CUBN: variants seen among roughly 807,000 people sequenced by gnomAD.
CUBN encodes 460 kDa receptor.
In CUBN, 282 loss-of-function variants were observed where a neutral mutation model predicts 405.3. The ratio of observed to expected loss-of-function variants is 0.70; its 90% CI spans 0.63 to 0.77. The LOEUF (loss-of-function observed/expected upper bound fraction) is 0.77, where lower values mean the gene tolerates loss of function less well. Ranked by LOEUF, CUBN falls within the 30% of genes least tolerant of loss-of-function variation. The pLI is 0.00. For synonymous variants in CUBN, 1,684 were observed against 1,617.0 expected (o/e 1.04, Z -0.99); for missense variants, 4,514 against 4,475.2 (o/e 1.01, Z -0.25).
intron 28 of CUBN, among the ~76,000 whole-genome samples, chr10:17,008,692 TC>T (rs980309636): frequency 3.3e-5 from 5 of 152,034 alleles, no homozygotes; most frequent in African/African-American, 1.2e-4. Context: ...GTGGAGATCA[TC>T]CCTGACCTCC....
At chr10:17,069,359 T>A (rs1235491632) in intron 19 of CUBN, among the ~76,000 whole-genome samples, 2 of 152,220 alleles carry the variant, frequency 1.3e-5, no homozygotes, top group Non-Finnish European at 2.9e-5. Context: ...AAAAGTAGAA[T>A]TGCTGGATCA....
At chr10:16,961,559 G>A (rs969330049) in intron 31 of CUBN, among the ~76,000 whole-genome samples, 2 of 152,150 alleles carry the variant, frequency 1.3e-5, no homozygotes, top group African/African-American at 4.8e-5. Flanking sequence ...CTAAAGAACG[G>A]TAATGTGGGA....
chr10:17,040,762 GT>G (rs773819220), intron 27 of CUBN, among the ~76,000 whole-genome samples: 128 of 151,994 alleles, frequency 8.4e-4, no homozygotes, highest in Non-Finnish European at 1.4e-3. Context: ...AAAAATAGAG[GT>G]TATTACTCTC....
chr10:16,863,225 C>G lies in CUBN; in HGVS notation c.9454+6411G>C, dbSNP rs144035524. Reference sequence around the variant, plus strand: ...AAGATAACCTTGTCTTTAGGATCATCCCCCAAGGGAAGTCTAATCACCAGT... The same window carrying G: ...AAGATAACCTTGTCTTTAGGATCATGCCCCAAGGGAAGTCTAATCACCAGT... On this transcript the variant is annotated intron_variant, in intron 59 of 66. Transcript: ENST00000377833. 2.6e-3 allele frequency among the ~76,000 whole-genome samples: 400 copies of G among 152,314 alleles called. 2 individuals are homozygous for G. Among genetic ancestry groups the G allele is most frequent in the African/African-American group, 9.4e-3 (390 of 41,576 alleles).
chr10:17,050,784 T>G (rs974849842), intron 22 of CUBN, among the ~76,000 whole-genome samples: 6 of 152,068 alleles, frequency 3.9e-5, no homozygotes, highest in African/African-American at 1.4e-4. Context: ...GGATAAGTCT[T>G]AACAAGACCT....
At chr10:16,933,878 C>T (rs575852819) in intron 39 of CUBN, among the ~76,000 whole-genome samples, 7 of 152,084 alleles carry the variant, frequency 4.6e-5, no homozygotes, top group Non-Finnish European at 5.9e-5. Flanking sequence ...CTGCCTTGCA[C>T]GGTTGTGATG....
chr10:17,019,626 T>C (rs954295166), intron 28 of CUBN, among the ~76,000 whole-genome samples: 10 of 152,236 alleles, frequency 6.6e-5, no homozygotes, highest in Middle Eastern at 3.2e-3. Flanking sequence ...TCTTTCCACT[T>C]TGATGTCACT....
At chr10:17,030,641 G>A (rs924632034) in intron 27 of CUBN, among the ~76,000 whole-genome samples, 2 of 152,104 alleles carry the variant, frequency 1.3e-5, no homozygotes, top group Non-Finnish European at 2.9e-5. Context: ...ATTGTTGGTC[G>A]GGCGTGGTGG....
In CUBN at chr10:16,915,055, A is replaced by C; in HGVS notation, c.7328T>G (p.Leu2443Arg). The C allele has an allele frequency of 6.2e-7, 1 of 1,614,008 alleles. No homozygotes were observed. Among genetic ancestry groups the C allele is most frequent in the Non-Finnish European group, 8.5e-7 (1 of 1,179,942 alleles). ...DGSVTASGFR[L>R]RFESSMEECG... ...ACCTTCCATACTGGATTCAAATCGC[A>C]GTCTGAATCCTGAGGCAGTCACAGA... Residue 2443 changes from leucine to arginine, a missense_variant, in exon 47 of 67, where the codon CTG (leucine) becomes CGG (arginine). Leu to Arg is a moderately radical substitution (Grantham distance 102). This residue lies in a region of CUBN where 1,613 missense variants were observed against 1,542.8 expected (regional missense o/e 1.05). Coordinates refer to ENST00000377833, the MANE Select transcript of CUBN (RefSeq NM_001081.4).
At chr10:16,847,287 C>A (rs1342391806) in intron 60 of CUBN, among the ~76,000 whole-genome samples, 1 of 152,054 alleles carries the variant, frequency 6.6e-6, no homozygotes. Context: ...TTCATCTCTA[C>A]TAAAAATACA....
At chr10:17,015,073 T>C (rs1335898456) in intron 28 of CUBN, among the ~76,000 whole-genome samples, 3 of 152,238 alleles carry the variant, frequency 2.0e-5, no homozygotes, top group Non-Finnish European at 4.4e-5. Context: ...CTTTTGATTA[T>C]TGTACTCCTA....
At chr10:17,014,119 A>G (rs1168881590) in intron 28 of CUBN, among the ~76,000 whole-genome samples, 1 of 152,154 alleles carries the variant, frequency 6.6e-6, no homozygotes, top group Non-Finnish European at 1.5e-5. Flanking sequence ...TGCCATTTAC[A>G]TCATGAGTAG....
intron 60 of CUBN, among the ~76,000 whole-genome samples, chr10:16,846,110 G>C (rs768275603): frequency 3.9e-5 from 6 of 152,228 alleles, no homozygotes; most frequent in Non-Finnish European, 8.8e-5. Context: ...GCACAGTTTT[G>C]ATATGCACCA....
chr10:16,916,784 A>C (rs1440895368), intron 45 of CUBN, among the ~76,000 whole-genome samples: 1 of 151,522 alleles, frequency 6.6e-6, no homozygotes, highest in Non-Finnish European at 1.5e-5. Flanking sequence ...CTGAAGAGGC[A>C]TATTTGCTTT....
At chr10:16,957,713 A>G (rs1843106613) in intron 31 of CUBN, among the ~76,000 whole-genome samples, 1 of 152,216 alleles carries the variant, frequency 6.6e-6, no homozygotes, top group Non-Finnish European at 1.5e-5. Flanking sequence ...ATGATCCAAC[A>G]GTCTCACTCC....
At chr10:17,000,524 C>G (rs950200070) in intron 28 of CUBN, among the ~76,000 whole-genome samples, 1 of 152,192 alleles carries the variant, frequency 6.6e-6, no homozygotes, top group African/African-American at 2.4e-5. Flanking sequence ...TCACCATTTA[C>G]TTGGGTAAGA....
At chr10:17,093,744 A>C (rs957351309) in intron 14 of CUBN, among the ~76,000 whole-genome samples, 1 of 152,130 alleles carries the variant, frequency 6.6e-6, no homozygotes, top group South Asian at 2.1e-4. Context: ...AACATTCCAG[A>C]TACTGAGGCT....
Position 16,940,175 on chromosome 10 carries a change from T to A in CUBN, c.5405A>T (p.Asn1802Ile). 6.2e-7 allele frequency: 1 copy of A among 1,614,108 alleles called. No individual in the cohort carries two copies. The highest frequency in any genetic ancestry group is 8.5e-7 in the Non-Finnish European group (1 of 1,179,978). ...SRDFVEIREG[N>I]ATGHLVGRYC... ...TCGTCCCACCAAGTGACCCGTGGCA[T>A]TTCCTTCACGGATCTCCACAAAATC... is the stretch of plus-strand genomic sequence containing the variant. The change falls in exon 37 of 67, where the codon AAT becomes ATT. Residue 1802 changes from asparagine to isoleucine, a missense_variant. Asn to Ile is a moderately radical substitution (Grantham distance 149). This residue lies in a region of CUBN where 1,613 missense variants were observed against 1,542.8 expected (regional missense o/e 1.05). Coordinates refer to ENST00000377833, the MANE Select transcript of CUBN (RefSeq NM_001081.4).
chr10:17,128,401 G>A (rs886133208), intron 2 of CUBN, among the ~76,000 whole-genome samples: 22 of 152,192 alleles, frequency 1.4e-4, no homozygotes, highest in African/African-American at 4.8e-4. Flanking sequence ...CCCACAGTAA[G>A]CTCTGAATAA....
Sources: gnomAD v4.1 joint callset for allele counts (sites outside exome capture counted in the v4.1 genomes callset) on GRCh38, gnomAD v4.1.1 for gene constraint, gnomAD v4.1.1 regional missense constraint, MANE v1.5 for transcripts, NCBI Gene and HGNC (gene_info 2026-07-23, HGNC 2026-07-21) for gene names.